The following DENND4A variants were observed in gnomAD, a reference collection of about 807,000 sequenced individuals.
The protein encoded by DENND4A is DENN domain containing 4A.
DENND4A carries 70 observed loss-of-function variants against 199.3 expected under a neutral mutation model. The ratio of observed to expected loss-of-function variants is 0.35; its 90% CI spans 0.29 to 0.43. The LOEUF is 0.43. Among genes scored for constraint, DENND4A ranks in the 20% least tolerant of loss-of-function variants. The pLI is 1.00. For missense variants in DENND4A, 1,723 were observed against 2,255.8 expected, an observed-to-expected ratio of 0.76 and a Z score of 4.78; for synonymous variants, 686 against 766.9, an observed-to-expected ratio of 0.89 and a Z score of 1.74.
At chr15:65,754,581 A>G (rs1422242720) in intron 3 of DENND4A, among the ~76,000 whole-genome samples, 2 of 152,248 alleles carry the variant, frequency 1.3e-5, no homozygotes, top group Non-Finnish European at 2.9e-5. Context: ...ACAAACAAAA[A>G]GACAACCAAA....
At chr15:65,725,692 A>AT (rs1555426773) in intron 11 of DENND4A, among the ~76,000 whole-genome samples, 3 of 147,472 alleles carry the variant, frequency 2.0e-5, no homozygotes, top group Admixed American at 1.3e-4. Context: ...ATAAAAATAA[A>AT]AAAAATAAAA....
At position 65,670,169 on chromosome 15, in the gene DENND4A, G is replaced by C; in HGVS notation, c.4484C>G (p.Ser1495Cys). 6.5e-7 allele frequency: 1 copy of C among 1,533,606 alleles called. No homozygotes were observed. The highest frequency in any genetic ancestry group is 8.8e-7 in the Non-Finnish European group (1 of 1,138,574). The allele number at this position is 1,533,606 out of a possible 1,614,324, so 95.0% of individuals were successfully genotyped here. A position where few individuals can be genotyped will look rare whatever the true frequency, so the allele number is the denominator to read the frequency against. Residue 1495 changes from serine (S) to cysteine (C), a missense_variant, in exon 26 of 33, where the codon TCT (serine) becomes TGT (cysteine). Physicochemically the swap from Ser to Cys is moderately radical, Grantham distance 112. Around this residue, in one of 6 missense-constraint regions of DENND4A, gnomAD observed 650 missense variants for 738.1 expected, o/e 0.88. Transcript: ENST00000443035. ...YAMEVLISSC[S>C]RCRTCDCLVH... is the part of the protein sequence containing the mutation. ...AAGACAATCACAAGTTCTACACCGA[G>C]AGCAACTTGAGATGAGAACCTGTGG...
intron 7 of DENND4A, among the ~76,000 whole-genome samples, chr15:65,733,613 T>C (rs1349471959): frequency 1.3e-5 from 2 of 152,146 alleles, no homozygotes; most frequent in Non-Finnish European, 2.9e-5. Context: ...TGACAGGATA[T>C]GTAAAAAAGT....
chr15:65,676,242 T>G, intron 24 of DENND4A, among the ~76,000 whole-genome samples: 1 of 149,008 alleles, frequency 6.7e-6, no homozygotes, highest in African/African-American at 2.5e-5. Flanking sequence ...CTTCTAGGGA[T>G]AGGGAGAAAA....
chr15:65,746,379 T>C lies in DENND4A; in HGVS notation c.562-4595A>G, dbSNP rs1291533913. ...ATTCTACTTTTTTCTCTTTTTTTTT[T>C]TTTTTTTTTTTTTTTTTTTTTTTTT... is the stretch of plus-strand genomic sequence containing the variant. On this transcript the variant is annotated intron_variant, in intron 4 of 32. Coordinates refer to ENST00000443035, the MANE Select transcript of DENND4A (RefSeq NM_001320835.1). Among the ~76,000 whole-genome samples the C allele has an allele frequency of 2.6e-3, 220 of 84,938 alleles. 3 individuals carry two copies. Among genetic ancestry groups the C allele is most frequent in the African/African-American group, 0.01 (213 of 21,212 alleles). The allele number at this position is 84,938 out of a possible 152,430, so 55.7% of individuals were successfully genotyped here.
At chr15:65,729,021 T>C in intron 11 of DENND4A, 51 bp downstream of exon 11, 1 of 1,459,116 alleles carries the variant, frequency 6.9e-7, no homozygotes, top group East Asian at 2.5e-5. Flanking sequence ...GTTACATACA[T>C]ATGCTACAAA....
chr15:65,700,456 C>T (rs1287415549), intron 20 of DENND4A, 88 bp downstream of exon 20: 1 of 807,236 alleles, frequency 1.2e-6, no homozygotes, highest in East Asian at 3.5e-5. Flanking sequence ...TTAAACATCA[C>T]TGAAAATGAA....
Position 65,659,978 on chromosome 15 carries a change from C to A in DENND4A, c.*1873G>T. ...AAAGCTGTTTTTAAAAGAATAAAAA[C>A]CACCAACCACAAATAGAAGAGAACC... On this transcript the variant is annotated 3_prime_UTR_variant, in exon 33 of 33. Coordinates refer to ENST00000443035, the MANE Select transcript of DENND4A (RefSeq NM_001320835.1). 1 of 252,212 alleles carries A rather than the reference C, an allele frequency of 4.0e-6. No homozygotes were observed. The highest frequency in any genetic ancestry group is 7.5e-6 in the Non-Finnish European group (1 of 132,824). 15.6% of individuals were successfully genotyped at this position (252,212 alleles called of 1,614,324 possible).
intron 9 of DENND4A, among the ~76,000 whole-genome samples, chr15:65,730,803 T>C: frequency 6.6e-6 from 1 of 152,028 alleles, no homozygotes; most frequent in East Asian, 1.9e-4. Flanking sequence ...TGTTCTAAAA[T>C]TTATTACAGT....
At chr15:65,706,757 G>A (rs1288336760) in intron 14 of DENND4A, among the ~76,000 whole-genome samples, 2 of 152,214 alleles carry the variant, frequency 1.3e-5, no homozygotes, top group East Asian at 3.9e-4. Context: ...GCCTCCCAAA[G>A]TGCTGGGATT....
At chr15:65,721,947 T>A (rs1344745500) in intron 12 of DENND4A, among the ~76,000 whole-genome samples, 1 of 152,230 alleles carries the variant, frequency 6.6e-6, no homozygotes, top group Non-Finnish European at 1.5e-5. Flanking sequence ...GCTTTTTAAA[T>A]AGAAATATTC....
At chr15:65,734,414 T>C (rs568558774) in intron 7 of DENND4A, among the ~76,000 whole-genome samples, 1 of 152,194 alleles carries the variant, frequency 6.6e-6, no homozygotes. Flanking sequence ...CCCTGACACA[T>C]CCCCCTCTCG....
Position 65,697,341 on chromosome 15 carries a change from T to C in DENND4A, c.2876A>G (p.Glu959Gly), listed in dbSNP as rs1280369964. The C allele has an allele frequency of 1.9e-6, 3 of 1,607,472 alleles. No individual in the cohort carries two copies. The highest frequency in any genetic ancestry group is 2.5e-6 in the Non-Finnish European group (3 of 1,177,314). Residue 959 changes from glutamate to glycine, a missense_variant, in exon 21 of 33, where the codon GAA (glutamate) becomes GGA (glycine). Glu to Gly is a moderately conservative substitution (Grantham distance 98). Coordinates refer to ENST00000443035, the MANE Select transcript of DENND4A (RefSeq NM_001320835.1). ...DLGYNSLSKDEVRRGDTSTED... is the reference protein window; with the variant it reads ...DLGYNSLSKDGVRRGDTSTED... ...AGTAGATGTATCCCCTCTTCTAACTTCATCTTTAGATAATGAATTATATCC... is the reference window on the plus strand; with the variant it reads ...AGTAGATGTATCCCCTCTTCTAACTCCATCTTTAGATAATGAATTATATCC...
At chr15:65,678,301 A>G (rs2141955889) in intron 23 of DENND4A, among the ~76,000 whole-genome samples, 1 of 152,246 alleles carries the variant, frequency 6.6e-6, no homozygotes, top group Non-Finnish European at 1.5e-5. Flanking sequence ...GCAGCTAATT[A>G]TGATTTGTAT....
At chr15:65,667,371 C>T in intron 29 of DENND4A, 78 bp downstream of exon 29, 1 of 1,467,168 alleles carries the variant, frequency 6.8e-7, no homozygotes, top group South Asian at 1.3e-5. Flanking sequence ...ACAGACCTTA[C>T]TTTTTAATCA....
At chr15:65,674,343 T>C (rs1305906358) in intron 24 of DENND4A, among the ~76,000 whole-genome samples, 2 of 152,206 alleles carry the variant, frequency 1.3e-5, no homozygotes, top group Non-Finnish European at 2.9e-5. Context: ...TAGAAGTTAA[T>C]GTTTACCTGT....
chr15:65,684,790 A>G (rs1053403424), intron 23 of DENND4A, among the ~76,000 whole-genome samples: 2 of 151,558 alleles, frequency 1.3e-5, no homozygotes, highest in African/African-American at 4.8e-5. Context: ...CAAGGTCTTA[A>G]AAGATTTTCT....
At chr15:65,671,753 A>C (rs766233283) in intron 25 of DENND4A, 39 bp downstream of exon 25, 3 of 1,277,990 alleles carry the variant, frequency 2.3e-6, no homozygotes, top group Middle Eastern at 1.8e-4. Context: ...GCATTTTATA[A>C]AGCAGTATAT....
At chr15:65,791,214 T>C (rs1035522774) in intron 1 of DENND4A, among the ~76,000 whole-genome samples, 1 of 152,194 alleles carries the variant, frequency 6.6e-6, no homozygotes, top group Non-Finnish European at 1.5e-5. Context: ...ATAACTGTCC[T>C]ATAAGACAAA....
Sources: gnomAD v4.1 joint callset for allele counts (sites outside exome capture counted in the v4.1 genomes callset) on GRCh38, gnomAD v4.1.1 for gene constraint, gnomAD v4.1.1 regional missense constraint, MANE v1.5 for transcripts, NCBI Gene and HGNC (gene_info 2026-07-23, HGNC 2026-07-21) for gene names.